UBAP1: variants seen among roughly 807,000 people sequenced by gnomAD.
UBAP1 encodes the protein ubiquitin-associated protein 1.
A neutral mutation model predicts 39.0 loss-of-function variants in UBAP1; 5 were observed. The observed-to-expected ratio is 0.13, with a 90% CI of 0.07 to 0.27. The LOEUF is 0.27. Among genes scored for constraint, UBAP1 ranks in the 10% least tolerant of loss-of-function variants. The pLI, the probability that UBAP1 is intolerant of heterozygous loss-of-function variation, is 1.00. For missense variants in UBAP1, 490 were observed against 608.1 expected (o/e 0.81, Z 2.04); for synonymous variants, 211 against 225.1 (o/e 0.94, Z 0.56).
rs1479375705 is a variant in UBAP1 at position 34,251,412 on chromosome 9, A to C, written c.1389A>C (p.Leu463Phe). The C allele has an allele frequency of 6.2e-7, 1 of 1,614,090 alleles. No individual in the cohort carries two copies. The highest frequency in any genetic ancestry group is 8.5e-7 in the Non-Finnish European group (1 of 1,180,044). The stretch of plus-strand genomic sequence containing the variant: ...CTTAGATGATGGAGTTTCTTCAGTT[A>C]ATGAGCAAATTTAAGGAGATGGGCT... ...SEEKMMEFLQ[L>F]MSKFKEMGFE... The change falls in exon 7 of 7, where the codon TTA becomes TTC. Residue 463 changes from leucine (L) to phenylalanine (F), a missense_variant. By Grantham distance (22) the Leu-to-Phe change is conservative. Coordinates refer to ENST00000297661, the MANE Select transcript of UBAP1 (RefSeq NM_016525.5).
chr9:34,235,646 T>G (rs2131610436), intron 3 of UBAP1, among the ~76,000 whole-genome samples: 1 of 151,588 alleles, frequency 6.6e-6, no homozygotes, highest in South Asian at 2.1e-4. Flanking sequence ...GTCAAAAAAT[T>G]GTTTTTTACA....
chr9:34,242,648 C>T (rs909295822), intron 4 of UBAP1, among the ~76,000 whole-genome samples: 4 of 152,122 alleles, frequency 2.6e-5, no homozygotes, highest in African/African-American at 9.7e-5. Flanking sequence ...CCTCAGCTTC[C>T]CGAATAGCTG....
At chr9:34,219,702 T>C (rs113524588) in intron 1 of UBAP1, among the ~76,000 whole-genome samples, 22,022 of 61,658 alleles carry the variant, frequency 0.36, 4,304 homozygotes, top group Non-Finnish European at 0.46. Context: ...TTTCCTCTCC[T>C]CTCCTCTCCC....
chr9:34,199,187 C>T (rs998382851), intron 1 of UBAP1, among the ~76,000 whole-genome samples: 1 of 152,150 alleles, frequency 6.6e-6, no homozygotes, highest in Non-Finnish European at 1.5e-5. Context: ...AGTTCTCCTG[C>T]CTCAGCCTCC....
chr9:34,203,369 T>C (rs1312325037), intron 1 of UBAP1, among the ~76,000 whole-genome samples: 1 of 152,196 alleles, frequency 6.6e-6, no homozygotes, highest in Non-Finnish European at 1.5e-5. Context: ...TTTTTTCTCT[T>C]TTCTCTGTCA....
intron 6 of UBAP1, 79 bp downstream of exon 6, chr9:34,250,838 A>G: frequency 8.2e-7 from 1 of 1,224,540 alleles, no homozygotes. Context: ...CCCTTGGCCC[A>G]CACACAACCT....
At chr9:34,232,123 T>C (rs190568749) in intron 2 of UBAP1, among the ~76,000 whole-genome samples, 284 of 152,204 alleles carry the variant, frequency 1.9e-3, no homozygotes, top group Admixed American at 4.4e-3. Flanking sequence ...GCCTCCCAAG[T>C]AGCTGGGACT....
At chr9:34,184,926 C>CTTTTTTTTTTT (rs35634769) in intron 1 of UBAP1, among the ~76,000 whole-genome samples, 1 of 105,032 alleles carries the variant, frequency 9.5e-6, no homozygotes, top group African/African-American at 3.9e-5. Flanking sequence ...CCAGCCAATC[C>CTTTTTTTTTTT]TTTTTTTTTT....
At chr9:34,198,913 G>A (rs1350196246) in intron 1 of UBAP1, among the ~76,000 whole-genome samples, 1 of 152,138 alleles carries the variant, frequency 6.6e-6, no homozygotes, top group African/African-American at 2.4e-5. Context: ...CCGTCTAATG[G>A]GGCTTTTGGT....
At chr9:34,229,849 A>G (rs1833316086) in intron 2 of UBAP1, among the ~76,000 whole-genome samples, 1 of 151,590 alleles carries the variant, frequency 6.6e-6, no homozygotes, top group Admixed American at 6.6e-5. Flanking sequence ...TAATTTTTGT[A>G]TTTTTAGTAG....
At chr9:34,184,108 AAG>A (rs747611144) in intron 1 of UBAP1, among the ~76,000 whole-genome samples, 8 of 152,096 alleles carry the variant, frequency 5.3e-5, no homozygotes, top group Non-Finnish European at 1.0e-4. Context: ...AATTAGAAAA[AAG>A]AAGCAAGCAG....
chr9:34,224,562 T>C, intron 2 of UBAP1: 1 of 446,768 alleles, frequency 2.2e-6, no homozygotes, highest in Non-Finnish European at 3.8e-6. Context: ...TTCCGCTTCT[T>C]GTGGTAGGGC....
At chr9:34,234,373 A>C in intron 3 of UBAP1, 33 bp downstream of exon 3, 1 of 1,566,638 alleles carries the variant, frequency 6.4e-7, no homozygotes, top group Non-Finnish European at 8.6e-7. Flanking sequence ...AGTTTAGTGC[A>C]TTTAAAAGTT....
intron 2 of UBAP1, among the ~76,000 whole-genome samples, chr9:34,233,615 C>T (rs1254584747): frequency 6.6e-6 from 1 of 151,944 alleles, no homozygotes; most frequent in African/African-American, 2.4e-5. Context: ...AATACTTGCC[C>T]TATATTTCTT....
chr9:34,227,278 C>A (rs1833155502), intron 2 of UBAP1, among the ~76,000 whole-genome samples: 1 of 151,838 alleles, frequency 6.6e-6, no homozygotes, highest in South Asian at 2.1e-4. Context: ...TGGCTTGTGG[C>A]TTTAAGATAG....
At position 34,182,668 on chromosome 9, in the gene UBAP1, T is replaced by TC. The variant is rs1563881231; in HGVS notation, c.-8+3428_-8+3429insC. On this transcript the variant is annotated intron_variant, in intron 1 of 6. Coordinates refer to ENST00000297661, the MANE Select transcript of UBAP1 (RefSeq NM_016525.5). ...CTTTCTTTCTTTCTTTCTTTCTTTC[T>TC]TTCTTTCTTTCTTTCTCTCTCTCTT... Among the ~76,000 whole-genome samples, 234 of 65,242 alleles carry TC rather than the reference T, an allele frequency of 3.6e-3. 3 individuals are homozygous for TC. Among genetic ancestry groups the TC allele is most frequent in the African/African-American group, 9.0e-3 (220 of 24,410 alleles). The allele number at this position is 65,242 out of a possible 152,430, so 42.8% of individuals were successfully genotyped here.
In UBAP1 at chr9:34,249,870, A is replaced by T. The variant is rs1458851856; in HGVS notation, c.1175A>T (p.Glu392Val). The T allele has an allele frequency of 1.9e-6, 3 of 1,614,194 alleles. No homozygotes were observed. The South Asian group carries it at 3.3e-5, about 18-fold the overall frequency. Reference protein sequence around the residue: ...YSELQMLSPSERQCVETVVNM... With the variant: ...YSELQMLSPSVRQCVETVVNM... ...GAACTGCAGATGCTGTCCCCCAGCG[A>T]GCGGCAGTGTGTGGAGACGGTGGTC... Residue 392 changes from glutamate (E) to valine (V), a missense_variant, in exon 5 of 7, where the codon GAG (glutamate) becomes GTG (valine). By Grantham distance (121) the Glu-to-Val change is moderately radical. This residue lies in a region of UBAP1 where 339 missense variants were observed against 390.0 expected (regional missense o/e 0.87). Coordinates refer to ENST00000297661, the MANE Select transcript of UBAP1 (RefSeq NM_016525.5).
At chr9:34,191,146 T>C (rs1196094593) in intron 1 of UBAP1, among the ~76,000 whole-genome samples, 12 of 152,208 alleles carry the variant, frequency 7.9e-5, no homozygotes, top group Non-Finnish European at 1.5e-4. Context: ...TGTAGAAAGT[T>C]CTGCTGGACA....
In UBAP1 at chr9:34,220,810, A is replaced by G. The variant is rs552868398; in HGVS notation, c.-7-98A>G. The G allele has an allele frequency of 2.0e-4, 208 of 1,046,988 alleles. 2 individuals carry two copies. In the African/African-American group the frequency reaches 2.9e-3, roughly 15 times the overall value. 64.9% of individuals were successfully genotyped at this position (1,046,988 alleles called of 1,614,324 possible). ...GAGACGTGAGGATTCTGTCAGCCCT[A>G]AAACCTTAGGTCTTCTGGTTTCTTT... On this transcript the variant is annotated intron_variant, in intron 1 of 6. Transcript: ENST00000297661.
Sources: gnomAD v4.1 joint callset for allele counts (sites outside exome capture counted in the v4.1 genomes callset) on GRCh38, gnomAD v4.1.1 for gene constraint, gnomAD v4.1.1 regional missense constraint, MANE v1.5 for transcripts, NCBI Gene and HGNC (gene_info 2026-07-23, HGNC 2026-07-21) for gene names.